The following SKAP1 variants were observed in gnomAD, a reference collection of about 807,000 sequenced individuals.
SKAP1 encodes the protein src kinase-associated phosphoprotein 1.
SKAP1 carries 44 observed loss-of-function variants against 58.5 expected under a neutral mutation model. That is an observed-to-expected ratio of 0.75 (90% CI 0.59 to 0.97). The LOEUF (loss-of-function observed/expected upper bound fraction) is 0.97. Ranked by LOEUF, SKAP1 falls within the 50% of genes least tolerant of loss-of-function variation. The probability of loss-of-function intolerance (pLI) is 0.00; values close to 1 mark genes in which losing one functional copy is unlikely to be tolerated. For missense variants in SKAP1, 390 were observed against 435.2 expected, an observed-to-expected ratio of 0.90 and a Z score of 0.92; for synonymous variants, 127 against 149.7, an observed-to-expected ratio of 0.85 and a Z score of 1.11.
At chr17:48,252,580 GTGTCTTGT>G (rs1270935638) in intron 4 of SKAP1, among the ~76,000 whole-genome samples, 1 of 152,112 alleles carries the variant, frequency 6.6e-6, no homozygotes, top group Non-Finnish European at 1.5e-5. Flanking sequence ...TTCCATTTTA[GTGTCTTGT>G]TCTACTTAAG....
intron 1 of SKAP1, among the ~76,000 whole-genome samples, chr17:48,400,685 C>T (rs2067488842): frequency 6.6e-6 from 1 of 151,742 alleles, no homozygotes; most frequent in East Asian, 1.9e-4. Context: ...GAGGTTGAGG[C>T]TGCAGTGAGC....
At chr17:48,302,804 T>C (rs368525831) in intron 4 of SKAP1, among the ~76,000 whole-genome samples, 3 of 152,302 alleles carry the variant, frequency 2.0e-5, no homozygotes. Flanking sequence ...CTGGGAGCAC[T>C]TACTTGGGGA....
chr17:48,251,152 T>C (rs1243630565), intron 4 of SKAP1, among the ~76,000 whole-genome samples: 1 of 152,086 alleles, frequency 6.6e-6, no homozygotes, highest in African/African-American at 2.4e-5. Context: ...AAATGCTGGG[T>C]GTAAATTGTT....
intron 1 of SKAP1, among the ~76,000 whole-genome samples, chr17:48,398,749 G>A (rs1014030731): frequency 6.6e-6 from 1 of 151,954 alleles, no homozygotes; most frequent in Admixed American, 6.6e-5. Context: ...AGGCCAAGGC[G>A]GGTGGCTCAC....
chr17:48,198,454 CA>C (rs55958821), intron 4 of SKAP1, among the ~76,000 whole-genome samples: 6,438 of 49,278 alleles, frequency 0.13, 53 homozygotes, highest in East Asian at 0.24. Context: ...GACTCCGTCT[CA>C]AAAAAAAAAA....
At chr17:48,170,775 T>A in intron 9 of SKAP1, 116 bp from the exon 10 acceptor site, 3 of 873,584 alleles carry the variant, frequency 3.4e-6, no homozygotes, top group Non-Finnish European at 5.4e-6. Context: ...AGTGGAACGA[T>A]TTTCGGTTCA....
At chr17:48,207,257 G>T (rs769705608) in intron 4 of SKAP1, among the ~76,000 whole-genome samples, 2 of 152,136 alleles carry the variant, frequency 1.3e-5, no homozygotes, top group African/African-American at 2.4e-5. Context: ...GCCGAGGCAG[G>T]CAGATCACTT....
chr17:48,282,125 G>T (rs1259787587), intron 4 of SKAP1, among the ~76,000 whole-genome samples: 3 of 152,164 alleles, frequency 2.0e-5, no homozygotes, highest in East Asian at 1.9e-4. Context: ...TTTACCCAAA[G>T]TTGAACTGCA....
intron 3 of SKAP1, among the ~76,000 whole-genome samples, chr17:48,348,820 C>A (rs1469996858): frequency 6.6e-6 from 1 of 152,184 alleles, no homozygotes; most frequent in East Asian, 1.9e-4. Flanking sequence ...TATAGTCACC[C>A]AAGGTGTGCT....
At chr17:48,444,037 C>T in the SKAP1 span, among the ~76,000 whole-genome samples, 2 of 151,852 alleles carry the variant, frequency 1.3e-5, no homozygotes, top group Non-Finnish European at 1.5e-5. Context: ...ACAGTCATCA[C>T]GCTCCTTTTC....
chr17:48,216,494 CT>C (rs34252112), intron 4 of SKAP1, among the ~76,000 whole-genome samples: 23,713 of 144,526 alleles, frequency 0.16, 2,361 homozygotes, highest in African/African-American at 0.3. Flanking sequence ...TGTGAATATA[CT>C]TTTTTTTTTT....
intron 2 of SKAP1, among the ~76,000 whole-genome samples, chr17:48,372,541 G>A (rs2067100693): frequency 6.6e-6 from 1 of 152,036 alleles, no homozygotes; most frequent in African/African-American, 2.4e-5. Flanking sequence ...CTGACCTCAG[G>A]TGATTTGCCT....
chr17:48,287,021 G>A (rs1358891469), intron 4 of SKAP1, among the ~76,000 whole-genome samples: 5 of 152,078 alleles, frequency 3.3e-5, no homozygotes, highest in South Asian at 4.2e-4. Flanking sequence ...GCTTGAACCC[G>A]GGAGGTGGAG....
At chr17:48,275,340 C>T (rs1027157346) in intron 4 of SKAP1, among the ~76,000 whole-genome samples, 1 of 152,156 alleles carries the variant, frequency 6.6e-6, no homozygotes, top group African/African-American at 2.4e-5. Flanking sequence ...TATTTCCTCC[C>T]TGGGTTCTCC....
chr17:48,148,349 G>A (rs1041468891), intron 11 of SKAP1, among the ~76,000 whole-genome samples: 3 of 152,168 alleles, frequency 2.0e-5, no homozygotes, highest in African/African-American at 7.2e-5. Context: ...AGGGATAGAG[G>A]GAAGGTAAAC....
At chr17:48,191,963 T>C (rs2064551613) in intron 4 of SKAP1, among the ~76,000 whole-genome samples, 1 of 152,046 alleles carries the variant, frequency 6.6e-6, no homozygotes, top group African/African-American at 2.4e-5. Flanking sequence ...GGGTGAGGCA[T>C]TGAGTGGGGT....
rs115412015 is a variant in SKAP1 at position 48,375,516 on chromosome 17, G to A, written c.153-11702C>T. Among the ~76,000 whole-genome samples the A allele has an allele frequency of 4.6e-3, 708 of 152,290 alleles. 3 individuals are homozygous for A. Among genetic ancestry groups the A allele is most frequent in the African/African-American group, 0.016 (660 of 41,556 alleles). The stretch of plus-strand genomic sequence containing the variant: ...TAAGAACTCTTTTTGATCAGTGAGT[G>A]ATTAAGCTTTCTGATTGCAACACTG... On this transcript the variant is annotated intron_variant, in intron 2 of 12. Transcript: ENST00000336915.
At chr17:48,294,515 G>A (rs964881674) in intron 4 of SKAP1, 3 of 152,058 alleles carry the variant, frequency 2.0e-5, no homozygotes, top group Non-Finnish European at 4.4e-5. Flanking sequence ...TCCTTTCAAA[G>A]GTATGTTGTT....
chr17:48,269,025 A>AT (rs886395761), intron 4 of SKAP1, among the ~76,000 whole-genome samples: 1 of 152,136 alleles, frequency 6.6e-6, no homozygotes, highest in Non-Finnish European at 1.5e-5. Context: ...TAAAGAGCTC[A>AT]TTTTAGATGT....
Sources: allele counts gnomAD v4.1 joint callset (sites outside exome capture counted in the v4.1 genomes callset), GRCh38; gene constraint gnomAD v4.1.1; transcripts MANE v1.5; gene names NCBI Gene and HGNC (gene_info 2026-07-23, HGNC 2026-07-21).